PNLDC1: variants seen among roughly 807,000 people sequenced by gnomAD.
PNLDC1 encodes poly(A)-specific ribonuclease PNLDC1.
Under a neutral mutation model 82.0 loss-of-function variants are expected in PNLDC1, and 70 were observed. The observed-to-expected ratio is 0.85, with a 90% CI of 0.70 to 1.04. The LOEUF (loss-of-function observed/expected upper bound fraction) is 1.04. Among genes scored for constraint, PNLDC1 ranks in the 50% least tolerant of loss-of-function variants. The pLI, the probability that PNLDC1 is intolerant of heterozygous loss-of-function variation, is 0.00. For synonymous variants in PNLDC1, 280 were observed against 249.3 expected (o/e 1.12, Z -1.16); for missense variants, 631 against 661.1 (o/e 0.95, Z 0.50).
intron 7 of PNLDC1, 73 bp from the exon 8 acceptor site, chr6:159,808,667 T>A: frequency 7.1e-7 from 1 of 1,402,470 alleles, no homozygotes; most frequent in Non-Finnish European, 9.9e-7. Context: ...CTTCTGCTCC[T>A]CCAGGGCTTC....
intron 12 of PNLDC1, 71 bp from the exon 13 acceptor site, chr6:159,815,898 G>T: frequency 8.5e-7 from 1 of 1,181,668 alleles, no homozygotes; most frequent in Non-Finnish European, 1.2e-6. Context: ...TAACTTAAGG[G>T]ACTGAGGGGG....
intron 12 of PNLDC1, among the ~76,000 whole-genome samples, chr6:159,814,140 C>T (rs1312415491): frequency 2.0e-5 from 3 of 152,154 alleles, no homozygotes; most frequent in Non-Finnish European, 2.9e-5. Context: ...ACTCTCTATG[C>T]TCCTCTTTCC....
At chr6:159,813,939 A>G (rs549122184) in intron 12 of PNLDC1, among the ~76,000 whole-genome samples, 1 of 152,134 alleles carries the variant, frequency 6.6e-6, no homozygotes, top group East Asian at 1.9e-4. Context: ...CCCTGTCACC[A>G]GCAAATGGAG....
rs372153625 is a variant in PNLDC1 at position 159,801,105 on chromosome 6, G to T, written c.135-8G>T. 294 of 1,614,124 alleles carry T rather than the reference G, an allele frequency of 1.8e-4. 3 individuals are homozygous for T. Among genetic ancestry groups the T allele is most frequent in the South Asian group, 1.7e-3 (159 of 91,082 alleles). ...TGCTCGTGGAATGAGATGCCTGTTTGTTCACAGTCTTTTTGATTTGCCATC... is the reference window on the plus strand; with the variant it reads ...TGCTCGTGGAATGAGATGCCTGTTTTTTCACAGTCTTTTTGATTTGCCATC... On this transcript the variant is annotated splice_region_variant and splice_polypyrimidine_tract_variant and intron_variant, in intron 2 of 18. Transcript: ENST00000392167.
At chr6:159,810,509 A>T (rs1464652613) in intron 10 of PNLDC1, among the ~76,000 whole-genome samples, 2 of 152,152 alleles carry the variant, frequency 1.3e-5, no homozygotes, top group Non-Finnish European at 2.9e-5. Flanking sequence ...TTATGTTGTT[A>T]AAAACCTAAT....
At chr6:159,818,526 G>T in intron 15 of PNLDC1, 29 bp from the exon 16 acceptor site, 2 of 1,598,560 alleles carry the variant, frequency 1.3e-6, no homozygotes, top group Non-Finnish European at 1.7e-6. Context: ...CTGTGCGCCC[G>T]ACAGCTTTGG....
At chr6:159,813,826 C>CT (rs1377314706) in intron 12 of PNLDC1, among the ~76,000 whole-genome samples, 170 bp downstream of exon 12, 5 of 152,190 alleles carry the variant, frequency 3.3e-5, no homozygotes, top group Non-Finnish European at 5.9e-5. Flanking sequence ...CGATGACCCT[C>CT]TTGCCTCCGT....
At chr6:159,816,713 G>T in intron 14 of PNLDC1, 117 bp downstream of exon 14, 1 of 891,648 alleles carries the variant, frequency 1.1e-6, no homozygotes, top group Non-Finnish European at 1.8e-6. Context: ...GCTCACTGCA[G>T]CCTCTACCTC....
chr6:159,800,246 CGCG>C, upstream of PNLDC1: 1 of 1,461,054 alleles, frequency 6.8e-7, no homozygotes. Flanking sequence ...GCGACGGAAG[CGCG>C]TGGGCAGCAC....
chr6:159,800,953 G>A (rs1781228855), intron 2 of PNLDC1, 124 bp downstream of exon 2: 1 of 1,458,150 alleles, frequency 6.9e-7, no homozygotes, highest in African/African-American at 1.5e-5. Flanking sequence ...CGTGTTGGAG[G>A]ACCTTGCTTT....
chr6:159,808,901 A>T (rs537508425), intron 8 of PNLDC1, 85 bp downstream of exon 8: 1 of 1,591,362 alleles, frequency 6.3e-7, no homozygotes, highest in Non-Finnish European at 8.6e-7. Context: ...AAAAGCTTTT[A>T]TCTTGCACGC....
intron 11 of PNLDC1, 131 bp downstream of exon 11, chr6:159,811,917 T>A: frequency 1.5e-6 from 1 of 677,176 alleles, no homozygotes; most frequent in Non-Finnish European, 2.4e-6. Flanking sequence ...TTGTTTTGTT[T>A]GAGAGGGAGT....
intron 18 of PNLDC1, 129 bp from the exon 19 acceptor site, chr6:159,820,322 TGTC>T (rs769723440): frequency 1.2e-5 from 10 of 827,266 alleles, no homozygotes; most frequent in Admixed American, 4.2e-5. Flanking sequence ...AGTTCAGTGT[TGTC>T]GTCGGGAGAG....
rs1317703474 is a variant in PNLDC1 at position 159,800,346 on chromosome 6, T to A, written c.39T>A (p.Pro13=). The A allele has an allele frequency of 1.9e-6, 3 of 1,547,430 alleles. No individual in the cohort carries two copies. The highest frequency in any genetic ancestry group is 2.6e-6 in the Non-Finnish European group (3 of 1,146,286). Residue 13 remains proline (P), a synonymous_variant, in exon 1 of 19, where the codon CCT becomes CCA. Coordinates refer to ENST00000392167, the MANE Select transcript of PNLDC1 (RefSeq NM_001271862.2). Reference sequence around the variant, plus strand: ...CCGACGAGTTCGAGGAGAGCCTCCCTCTGCTGCAGGAGCTCGTCCAGGAGG... The same window carrying A: ...CCGACGAGTTCGAGGAGAGCCTCCCACTGCTGCAGGAGCTCGTCCAGGAGG... ...VGADEFEESL[P]LLQELVQEAD... is the part of the protein sequence containing the mutation.
Position 159,813,503 on chromosome 6 carries a change from A to G in PNLDC1, c.940-98A>G, listed in dbSNP as rs371789259. Reference sequence around the variant, plus strand: ...GAAAGAGGAGGTTGTAGGAGTGAGCATTTTCCAGGCCATTTTAATGACCAT... The same window carrying G: ...GAAAGAGGAGGTTGTAGGAGTGAGCGTTTTCCAGGCCATTTTAATGACCAT... On this transcript the variant is annotated intron_variant, in intron 11 of 18. Coordinates refer to ENST00000392167, the MANE Select transcript of PNLDC1 (RefSeq NM_001271862.2). The G allele has an allele frequency of 2.7e-5, 29 of 1,075,268 alleles. No homozygotes were observed. In the African/African-American group the frequency reaches 4.0e-4, roughly 15 times the overall value. The allele number at this position is 1,075,268 out of a possible 1,614,324, so 66.6% of individuals were successfully genotyped here. A position where few individuals can be genotyped will look rare whatever the true frequency, so the allele number is the denominator to read the frequency against.
chr6:159,807,251 A>G (rs1562499193), intron 7 of PNLDC1, among the ~76,000 whole-genome samples: 1 of 152,194 alleles, frequency 6.6e-6, no homozygotes, highest in Admixed American at 6.5e-5. Context: ...TGAAGGTTTC[A>G]CAATCATTTT....
intron 11 of PNLDC1, 46 bp downstream of exon 11, chr6:159,811,832 C>A: frequency 7.5e-7 from 1 of 1,328,608 alleles, no homozygotes; most frequent in Non-Finnish European, 1.1e-6. Context: ...TTTTCCATAC[C>A]AGTAACACTT....
chr6:159,799,785 T>A (rs185571104), upstream of PNLDC1, among the ~76,000 whole-genome samples: 2 of 151,896 alleles, frequency 1.3e-5, no homozygotes, highest in African/African-American at 4.8e-5. Flanking sequence ...AGTGGTAAGG[T>A]GGACAGCAGA....
In PNLDC1 at chr6:159,808,451, A is replaced by G. The variant is rs774527312; in HGVS notation, c.563-289A>G. Among the ~76,000 whole-genome samples the G allele has an allele frequency of 2.8e-4, 43 of 152,146 alleles. 1 individual carries two copies. Among genetic ancestry groups the G allele is most frequent in the South Asian group, 2.5e-3 (12 of 4,822 alleles). ...TTTAAATGTAAGAGTTTTAATTTCTAACATGTTTAATATCAATAGCTGTAA... is the reference window on the plus strand; with the variant it reads ...TTTAAATGTAAGAGTTTTAATTTCTGACATGTTTAATATCAATAGCTGTAA... On this transcript the variant is annotated intron_variant, in intron 7 of 18. Transcript: ENST00000392167.
Sources: gnomAD v4.1 joint callset for allele counts (sites outside exome capture counted in the v4.1 genomes callset) on GRCh38, gnomAD v4.1.1 for gene constraint, MANE v1.5 for transcripts, NCBI Gene and HGNC (gene_info 2026-07-23, HGNC 2026-07-21) for gene names.